The following SLC35F1 variants were observed in gnomAD, a reference collection of about 807,000 sequenced individuals.
SLC35F1 encodes solute carrier family 35 member F1.
In SLC35F1, 14 loss-of-function variants were observed where a neutral mutation model predicts 48.7. The ratio of observed to expected loss-of-function variants is 0.29; its 90% confidence interval spans 0.19 to 0.45. The LOEUF is 0.45. Among genes scored for constraint, SLC35F1 ranks in the 20% least tolerant of loss-of-function variants. The pLI is 1.00. For synonymous variants in SLC35F1, 190 were observed against 202.2 expected (o/e 0.94, Z 0.51); for missense variants, 404 against 500.0 (o/e 0.81, Z 1.83).
At chr6:117,915,527 C>T (rs1414832458) in intron 1 of SLC35F1, among the ~76,000 whole-genome samples, 2 of 151,824 alleles carry the variant, frequency 1.3e-5, no homozygotes, top group Non-Finnish European at 2.9e-5. Context: ...ACAGGATGAG[C>T]CGTTCATGGA....
At chr6:118,190,315 G>T (rs547468416) in intron 2 of SLC35F1, among the ~76,000 whole-genome samples, 1 of 152,086 alleles carries the variant, frequency 6.6e-6, no homozygotes, top group East Asian at 1.9e-4. Context: ...GGATCTATGT[G>T]TTTCCTTAAA....
intron 7 of SLC35F1, among the ~76,000 whole-genome samples, chr6:118,300,594 G>GA (rs1229141318): frequency 2.0e-5 from 3 of 152,070 alleles, no homozygotes; most frequent in East Asian, 1.9e-4. Flanking sequence ...CTTTGCCATT[G>GA]AAAAAATGGA....
chr6:118,182,519 AGAAGGAAGGAAGGAAG>A (rs10529265), intron 2 of SLC35F1, among the ~76,000 whole-genome samples: 10,384 of 106,296 alleles, frequency 0.098, 1,127 homozygotes, highest in African/African-American at 0.27. Context: ...AGAGAGAGAG[AGAAGGAAGGAAGGAAG>A]GAAGGAAGGA....
intron 2 of SLC35F1, among the ~76,000 whole-genome samples, chr6:118,217,255 T>A (rs1775087948): frequency 6.6e-6 from 1 of 152,184 alleles, no homozygotes; most frequent in African/African-American, 2.4e-5. Flanking sequence ...TAAATGAATA[T>A]ATAAACAAAA....
chr6:118,078,808 C>A (rs1355537802), intron 1 of SLC35F1, among the ~76,000 whole-genome samples: 1 of 152,092 alleles, frequency 6.6e-6, no homozygotes. Context: ...TCTGATGTTC[C>A]TCTGTTCCTG....
At chr6:117,968,108 C>T (rs1776594054) in intron 1 of SLC35F1, among the ~76,000 whole-genome samples, 1 of 152,106 alleles carries the variant, frequency 6.6e-6, no homozygotes, top group African/African-American at 2.4e-5. Flanking sequence ...GTAGAACTTT[C>T]TTGTTTGCTT....
intron 1 of SLC35F1, among the ~76,000 whole-genome samples, chr6:118,023,028 G>A (rs1163312090): frequency 2.0e-5 from 3 of 152,106 alleles, no homozygotes; most frequent in South Asian, 2.1e-4. Flanking sequence ...AAAGTGCTGC[G>A]ATTACAGGCG....
intron 1 of SLC35F1, among the ~76,000 whole-genome samples, chr6:118,000,603 A>G (rs1777077310): frequency 6.6e-6 from 1 of 152,180 alleles, no homozygotes; most frequent in South Asian, 2.1e-4. Context: ...GTCCAGGGCA[A>G]TTAGGTAGGA....
intron 2 of SLC35F1, among the ~76,000 whole-genome samples, chr6:118,182,504 AAGAG>A (rs759706764): frequency 4.4e-5 from 4 of 90,762 alleles, no homozygotes; most frequent in African/African-American, 1.0e-4. Flanking sequence ...AAAAAAAAGA[AAGAG>A]AGAGAGAGAG....
chr6:118,145,000 G>T (rs919964902), intron 1 of SLC35F1, among the ~76,000 whole-genome samples: 1 of 151,814 alleles, frequency 6.6e-6, no homozygotes, highest in Non-Finnish European at 1.5e-5. Context: ...CCCATTTAAA[G>T]TGTACAATTC....
intron 1 of SLC35F1, among the ~76,000 whole-genome samples, chr6:118,130,386 G>T (rs1773692241): frequency 6.6e-6 from 1 of 152,108 alleles, no homozygotes; most frequent in African/African-American, 2.4e-5. Flanking sequence ...AAAAAAAACT[G>T]GTTTACTTCG....
chr6:118,062,667 T>A (rs1302985192), intron 1 of SLC35F1, among the ~76,000 whole-genome samples: 1 of 152,136 alleles, frequency 6.6e-6, no homozygotes, highest in Non-Finnish European at 1.5e-5. Flanking sequence ...GTACAGTACA[T>A]GAAAATATGT....
chr6:118,186,564 G>A (rs1301361439), intron 2 of SLC35F1, among the ~76,000 whole-genome samples: 1 of 152,024 alleles, frequency 6.6e-6, no homozygotes, highest in African/African-American at 2.4e-5. Flanking sequence ...GATAATATAA[G>A]TATTTCATTT....
At chr6:118,196,535 G>A (rs1178675885) in intron 2 of SLC35F1, among the ~76,000 whole-genome samples, 3 of 151,950 alleles carry the variant, frequency 2.0e-5, no homozygotes, top group Non-Finnish European at 2.9e-5. Flanking sequence ...GGCCAACGTG[G>A]TGAAATCTCA....
rs569588306 is a variant in SLC35F1, at chr6:117,909,372, T to C, written c.173+1473T>C. ...AATATATTTTAATTATTATTATTTC[T>C]CATCAAACTAGAAAATATTGATGTA... On this transcript the variant is annotated intron_variant, in intron 1 of 7. Coordinates refer to ENST00000360388, the MANE Select transcript of SLC35F1 (RefSeq NM_001029858.4). Among the ~76,000 whole-genome samples the C allele has an allele frequency of 3.9e-5, 6 of 152,346 alleles. No homozygotes were observed. In the East Asian group the frequency reaches 1.2e-3, roughly 29 times the overall value.
At chr6:118,209,262 TG>T (rs1425202941) in intron 2 of SLC35F1, among the ~76,000 whole-genome samples, 1 of 152,212 alleles carries the variant, frequency 6.6e-6, no homozygotes, top group Non-Finnish European at 1.5e-5. Context: ...CATAAAACTT[TG>T]ATTAAACAAA....
chr6:118,078,855 AT>A (rs1772863080), intron 1 of SLC35F1, among the ~76,000 whole-genome samples: 1 of 152,050 alleles, frequency 6.6e-6, no homozygotes, highest in Non-Finnish European at 1.5e-5. Context: ...CTCTATGGAA[AT>A]GTCACTCAGC....
chr6:118,104,242 T>C (rs961162872), intron 1 of SLC35F1, among the ~76,000 whole-genome samples: 1 of 152,130 alleles, frequency 6.6e-6, no homozygotes, highest in Non-Finnish European at 1.5e-5. Flanking sequence ...ACTTAGAGAT[T>C]AAATTGTGTT....
intron 2 of SLC35F1, among the ~76,000 whole-genome samples, chr6:118,233,695 A>G (rs753305821): frequency 1.3e-5 from 2 of 152,358 alleles, no homozygotes; most frequent in East Asian, 3.9e-4. Flanking sequence ...AGTAATCACA[A>G]TCCTATGAAA....
Sources: gnomAD v4.1 joint callset for allele counts (sites outside exome capture counted in the v4.1 genomes callset) on GRCh38, gnomAD v4.1.1 for gene constraint, MANE v1.5 for transcripts, NCBI Gene and HGNC (gene_info 2026-07-23, HGNC 2026-07-21) for gene names.